Variants in PARK7 observed in about 807,000 individuals in gnomAD.
The protein encoded by PARK7 is Parkinsonism associated deglycase, also known as Parkinson disease protein 7.
In PARK7, 14 loss-of-function variants were observed where a neutral mutation model predicts 20.5. The ratio of observed to expected loss-of-function variants is 0.68; its 90% CI spans 0.45 to 1.07. The LOEUF (loss-of-function observed/expected upper bound fraction) is 1.07, where lower values mean the gene tolerates loss of function less well. Ranked by LOEUF, PARK7 falls within the 50% of genes least tolerant of loss-of-function variation. The pLI, the probability that PARK7 is intolerant of heterozygous loss-of-function variation, is 0.00. For missense variants in PARK7, 234 were observed against 238.1 expected (o/e 0.98, Z 0.11); for synonymous variants, 98 against 84.3 (o/e 1.16, Z -0.89).
Position 7,985,211 on chromosome 1 carries a change from T to C in PARK7, c.*157T>C. 1 of 986,156 alleles carries C rather than the reference T, an allele frequency of 1.0e-6. No individual in the cohort carries two copies. 61.1% of individuals were successfully genotyped at this position (986,156 alleles called of 1,614,324 possible). On this transcript the variant is annotated 3_prime_UTR_variant, in exon 7 of 7. Transcript: ENST00000338639. ...TGGAAGTCACAACTACACAGAGATT[T>C]CTCAGCCTACAAATTGTGTCTATAC...
intron 2 of PARK7, among the ~76,000 whole-genome samples, chr1:7,963,389 T>C (rs1008560598): frequency 6.7e-6 from 1 of 150,308 alleles, no homozygotes; most frequent in Non-Finnish European, 1.5e-5. Flanking sequence ...TTTTCTTCTT[T>C]TTTTTTTTTT....
At chr1:7,966,141 G>A (rs1057158317) in intron 3 of PARK7, among the ~76,000 whole-genome samples, 2 of 151,898 alleles carry the variant, frequency 1.3e-5, no homozygotes, top group Non-Finnish European at 2.9e-5. Flanking sequence ...TCCGTCGTGC[G>A]GTCAGCGTGA....
At chr1:7,965,933 C>T (rs1325227624) in intron 3 of PARK7, among the ~76,000 whole-genome samples, 1 of 152,198 alleles carries the variant, frequency 6.6e-6, no homozygotes, top group Non-Finnish European at 1.5e-5. Flanking sequence ...CCTCAACCCC[C>T]CACGTAGCTC....
chr1:7,972,212 A>C (rs929580804), intron 5 of PARK7, among the ~76,000 whole-genome samples: 2 of 152,208 alleles, frequency 1.3e-5, no homozygotes, highest in Non-Finnish European at 2.9e-5. Context: ...CTGTAATCTC[A>C]GCATTTTGGG....
In PARK7 at chr1:7,965,307, T is replaced by C; in HGVS notation, c.91-17T>C. 1 of 1,604,180 alleles carries C rather than the reference T, an allele frequency of 6.2e-7. No individual in the cohort carries two copies. The highest frequency in any genetic ancestry group is 8.5e-7 in the Non-Finnish European group (1 of 1,170,952). ...TATGTTTCAGTGTTCTTAAATATGA[T>C]AACATCTTTCTCGTAGATTAAGGTC... On this transcript the variant is annotated splice_polypyrimidine_tract_variant and intron_variant, in intron 2 of 6. Transcript: ENST00000338639.
At chr1:7,962,288 A>G (rs1340078600) in intron 1 of PARK7, among the ~76,000 whole-genome samples, 4 of 152,202 alleles carry the variant, frequency 2.6e-5, no homozygotes, top group Admixed American at 6.5e-5. Flanking sequence ...TAGTACAGTT[A>G]TAACTAAGAA....
Position 7,962,860 on chromosome 1 carries a change from C to T in PARK7, c.75C>T (p.Val25=), listed in dbSNP as rs745618719. ...TGGAGACGGTCATCCCTGTAGATGTCATGAGGCGAGCTGGGGTAAGTCCCA... is the reference window on the plus strand; with the variant it reads ...TGGAGACGGTCATCCCTGTAGATGTTATGAGGCGAGCTGGGGTAAGTCCCA... ...EEMETVIPVD[V]MRRAGIKVTV... The change falls in exon 2 of 7, where the codon GTC becomes GTT. Residue 25 remains valine (V), a synonymous_variant. Transcript: ENST00000338639. The T allele has an allele frequency of 1.9e-6, 3 of 1,612,546 alleles. No homozygotes were observed. Among genetic ancestry groups the T allele is most frequent in the Admixed American group, 1.7e-5 (1 of 59,834 alleles).
chr1:7,973,788 G>A (rs571480096), intron 5 of PARK7, among the ~76,000 whole-genome samples: 4 of 150,218 alleles, frequency 2.7e-5, no homozygotes, highest in Admixed American at 6.6e-5. Context: ...CATGCCTGTC[G>A]TCCTAGCTAC....
At chr1:7,975,184 T>C (rs965189004) in intron 5 of PARK7, among the ~76,000 whole-genome samples, 1 of 152,126 alleles carries the variant, frequency 6.6e-6, no homozygotes, top group Non-Finnish European at 1.5e-5. Context: ...CAGTTAGGGA[T>C]TGGAAACATT....
chr1:7,974,142 A>C (rs11121066), intron 5 of PARK7, among the ~76,000 whole-genome samples: 55,956 of 133,556 alleles, frequency 0.42, 13,289 homozygotes, highest in East Asian at 0.56. Flanking sequence ...AGACCCCCCC[A>C]CCGACCTCTA....
At chr1:7,969,168 A>AGT (rs1487540088) in intron 3 of PARK7, 177 bp from the exon 4 acceptor site, 1 of 583,678 alleles carries the variant, frequency 1.7e-6, no homozygotes, top group Non-Finnish European at 3.0e-6. Flanking sequence ...ATTTTTTGCT[A>AGT]GTTAAAACAC....
intron 4 of PARK7, among the ~76,000 whole-genome samples, chr1:7,969,662 T>C (rs375716363): frequency 2.0e-4 from 31 of 151,932 alleles, no homozygotes; most frequent in South Asian, 1.7e-3. Flanking sequence ...CTCACTGCAA[T>C]CTCCGCCTCC....
chr1:7,976,874 C>G (rs1197573154), intron 5 of PARK7, among the ~76,000 whole-genome samples: 1 of 152,134 alleles, frequency 6.6e-6, no homozygotes, highest in Non-Finnish European at 1.5e-5. Flanking sequence ...GCGCCCGCCA[C>G]CACGCACAGC....
intron 6 of PARK7, among the ~76,000 whole-genome samples, chr1:7,981,965 CTTTTTTTTTTTTT>C (rs71567337): frequency 5.0e-4 from 42 of 84,370 alleles, no homozygotes; most frequent in Admixed American, 1.1e-3. Context: ...GCCCCCCCGC[CTTTTTTTTTTTTT>C]TTTTTTTTTT....
intron 5 of PARK7, among the ~76,000 whole-genome samples, chr1:7,975,573 C>T (rs1232690638): frequency 2.0e-5 from 3 of 152,194 alleles, no homozygotes; most frequent in Non-Finnish European, 4.4e-5. Context: ...CGTCTCTTCT[C>T]CAGTATTCCA....
chr1:7,975,256 A>G (rs747706880), intron 5 of PARK7, among the ~76,000 whole-genome samples: 6 of 152,180 alleles, frequency 3.9e-5, no homozygotes, highest in Non-Finnish European at 8.8e-5. Flanking sequence ...GCAAATTGGA[A>G]GGGAGTCTAT....
At chr1:7,974,981 G>C (rs1400773930) in intron 5 of PARK7, among the ~76,000 whole-genome samples, 1 of 151,076 alleles carries the variant, frequency 6.6e-6, no homozygotes, top group Non-Finnish European at 1.5e-5. Flanking sequence ...TCAGGCTCCC[G>C]AGTAGCTAGA....
intron 6 of PARK7, among the ~76,000 whole-genome samples, chr1:7,981,943 C>T (rs1283751480): frequency 6.7e-6 from 1 of 149,792 alleles, no homozygotes; most frequent in African/African-American, 2.5e-5. Context: ...CAGGCGTGAG[C>T]CACTATGCCC....
In PARK7 at chr1:7,984,747, A is replaced by T. The variant is rs1250510449; in HGVS notation, c.410-147A>T. 6 of 939,904 alleles carry T rather than the reference A, an allele frequency of 6.4e-6. No homozygotes were observed. The highest frequency in any genetic ancestry group is 1.0e-5 in the Non-Finnish European group (6 of 599,322). The allele number at this position is 939,904 out of a possible 1,614,324, so 58.2% of individuals were successfully genotyped here. A position where few individuals can be genotyped will look rare whatever the true frequency, so the allele number is the denominator to read the frequency against. On this transcript the variant is annotated intron_variant, in intron 6 of 6. Coordinates refer to ENST00000338639, the MANE Select transcript of PARK7 (RefSeq NM_007262.5). The surrounding 1 kb of genome is among the most constrained non-coding windows in gnomAD (Gnocchi z 4.3). ...AAAATACCTTTGTAGGGGGCTTCTA[A>T]GAGCTTGGAGTGCCTAGTAAATGTT...
Sources: gnomAD v4.1 joint callset for allele counts (sites outside exome capture counted in the v4.1 genomes callset) on GRCh38, gnomAD v4.1.1 for gene constraint, Gnocchi (gnomAD v3.1) non-coding constraint, MANE v1.5 for transcripts, NCBI Gene and HGNC (gene_info 2026-07-23, HGNC 2026-07-21) for gene names.